Variants in SPMIP7 observed in about 807,000 individuals in gnomAD.
SPMIP7 encodes sperm microtubule inner protein 7.
chr7:50,105,659 G>A, the SPMIP7 span, among the ~76,000 whole-genome samples: 1 of 152,174 alleles, frequency 6.6e-6, no homozygotes, highest in South Asian at 2.1e-4. Flanking sequence ...CACATGGTAG[G>A]ACTTTATGTT....
At chr7:50,159,145 G>A in the SPMIP7 span, 2 of 1,551,772 alleles carry the variant, frequency 1.3e-6, no homozygotes, top group Admixed American at 3.9e-5. Flanking sequence ...TCAACAAGAA[G>A]GACAAAGAAA....
the SPMIP7 span, chr7:50,151,578 T>G: frequency 6.8e-7 from 1 of 1,476,708 alleles, no homozygotes; most frequent in African/African-American, 1.4e-5. Flanking sequence ...ATCCTATTAC[T>G]CAATTTGCTC....
At chr7:50,138,500 G>A in the SPMIP7 span, among the ~76,000 whole-genome samples, 5 of 152,114 alleles carry the variant, frequency 3.3e-5, no homozygotes, top group Non-Finnish European at 5.9e-5. Context: ...TTGCTCTCTG[G>A]AATTTCATCT....
chr7:50,125,982 A>G, the SPMIP7 span, among the ~76,000 whole-genome samples: 1 of 152,114 alleles, frequency 6.6e-6, no homozygotes, highest in Non-Finnish European at 1.5e-5. Flanking sequence ...CCACATATGC[A>G]CATACACACA....
chr7:50,096,387 T>C, the SPMIP7 span: 12 of 1,552,030 alleles, frequency 7.7e-6, no homozygotes, highest in Non-Finnish European at 1.0e-5. Context: ...CGGGATGATG[T>C]GACCTTAGGT....
chr7:50,096,560 C>G, the SPMIP7 span: 3 of 1,551,974 alleles, frequency 1.9e-6, no homozygotes, highest in African/African-American at 2.7e-5. Context: ...GCAAAAAATT[C>G]TATCAGAAGA....
the SPMIP7 span, among the ~76,000 whole-genome samples, chr7:50,107,012 G>A: frequency 1.1e-4 from 17 of 152,202 alleles, no homozygotes; most frequent in African/African-American, 1.9e-4. Context: ...CAAGGTGGGC[G>A]GATCACCTGA....
chr7:50,129,606 A>G, the SPMIP7 span: 1 of 769,164 alleles, frequency 1.3e-6, no homozygotes, highest in Non-Finnish European at 2.2e-6. Context: ...GAGGTGCGTG[A>G]AAGAAGAAAT....
At chr7:50,156,036 C>T in the SPMIP7 span, among the ~76,000 whole-genome samples, 1 of 152,140 alleles carries the variant, frequency 6.6e-6, no homozygotes, top group Non-Finnish European at 1.5e-5. Flanking sequence ...CTGCCTTCTC[C>T]CCTAACAGCA....
At chr7:50,131,895 G>T in the SPMIP7 span, among the ~76,000 whole-genome samples, 43,229 of 151,990 alleles carry the variant, frequency 0.28, 7,829 homozygotes, top group Non-Finnish European at 0.42. Context: ...ATAAAGAAAT[G>T]ACAACACGTG....
chr7:50,152,340 A>G, the SPMIP7 span, among the ~76,000 whole-genome samples: 1 of 152,226 alleles, frequency 6.6e-6, no homozygotes, highest in Non-Finnish European at 1.5e-5. Context: ...GTGAGACTCC[A>G]TCTAAAAAAA....
the SPMIP7 span, among the ~76,000 whole-genome samples, chr7:50,110,607 ATATT>A: frequency 7.1e-6 from 1 of 140,276 alleles, no homozygotes; most frequent in East Asian, 2.0e-4. Flanking sequence ...GTATATACTA[ATATT>A]TATGTATAAT....
the SPMIP7 span, among the ~76,000 whole-genome samples, chr7:50,122,720 G>C: frequency 3.1e-3 from 476 of 151,462 alleles, no homozygotes; most frequent in African/African-American, 0.011. Flanking sequence ...AAATTTACAA[G>C]AAAAAAACAA....
chr7:50,096,829 A>G, the SPMIP7 span, among the ~76,000 whole-genome samples: 3 of 152,240 alleles, frequency 2.0e-5, no homozygotes, highest in African/African-American at 4.8e-5. Context: ...AAGAAAATTT[A>G]TTCTTTAAGA....
chr7:50,107,329 C>G, the SPMIP7 span, among the ~76,000 whole-genome samples: 1 of 136,952 alleles, frequency 7.3e-6, no homozygotes, highest in Non-Finnish European at 1.5e-5. Flanking sequence ...GCACTCCACG[C>G]TCCAATCTGG....
the SPMIP7 span, among the ~76,000 whole-genome samples, chr7:50,154,238 C>G: frequency 2.6e-5 from 4 of 152,148 alleles, no homozygotes; most frequent in African/African-American, 7.2e-5. Context: ...TCCCCTTCCC[C>G]CTGTGGTCAG....
At chr7:50,125,649 A>G in the SPMIP7 span, among the ~76,000 whole-genome samples, 2 of 151,344 alleles carry the variant, frequency 1.3e-5, no homozygotes, top group African/African-American at 2.4e-5. Flanking sequence ...TTATTCAGCC[A>G]TAAAAAGAAA....
chr7:50,139,039 G>C, the SPMIP7 span, among the ~76,000 whole-genome samples: 1 of 152,184 alleles, frequency 6.6e-6, no homozygotes, highest in East Asian at 1.9e-4. Flanking sequence ...TTAAATAAAA[G>C]ATTGAAATAT....
chr7:50,146,630 A>G, the SPMIP7 span, among the ~76,000 whole-genome samples: 2 of 152,214 alleles, frequency 1.3e-5, no homozygotes, highest in Non-Finnish European at 2.9e-5. Flanking sequence ...TCATTGAACA[A>G]TAAAATCAGA....
Sources: allele counts gnomAD v4.1 joint callset (sites outside exome capture counted in the v4.1 genomes callset), GRCh38; gene constraint gnomAD v4.1.1; transcripts MANE v1.5; gene names NCBI Gene and HGNC (gene_info 2026-07-23, HGNC 2026-07-21).